The following NAV1 variants were observed in gnomAD, a reference collection of about 807,000 sequenced individuals.
The protein encoded by NAV1 is neuron navigator 1.
Under a neutral mutation model 175.2 loss-of-function variants are expected in NAV1, and 18 were observed. That is an observed-to-expected ratio of 0.10 (90% CI 0.07 to 0.15). NAV1 has a LOEUF of 0.15. NAV1 is among the 10% of genes least tolerant of loss of function. NAV1 has a pLI of 1.00. For synonymous variants in NAV1, 897 were observed against 978.7 expected (o/e 0.92, Z 1.56); for missense variants, 1,731 against 2,436.6 (o/e 0.71, Z 6.10).
At chr1:201,606,224 G>T (rs1667671542) in intron 2 of NAV1, among the ~76,000 whole-genome samples, 1 of 152,210 alleles carries the variant, frequency 6.6e-6, no homozygotes, top group Admixed American at 6.5e-5. Flanking sequence ...CATGTGGCCA[G>T]GGATCGACCA....
At chr1:201,680,934 C>T (rs1484411780) in intron 1 of NAV1, among the ~76,000 whole-genome samples, 2 of 152,150 alleles carry the variant, frequency 1.3e-5, no homozygotes, top group African/African-American at 2.4e-5. Context: ...GTACCTGACC[C>T]TCACCCTGGT....
Position 201,754,817 on chromosome 1 carries a change from AC to A in NAV1, c.1227-25602del, listed in dbSNP as rs1674353085. Among the ~76,000 whole-genome samples the A allele has an allele frequency of 5.3e-5, 8 of 152,342 alleles. No individual in the cohort carries two copies. In the South Asian group the frequency reaches 1.7e-3, roughly 32 times the overall value. ...TATTTTGTCCTGTTATATTAACTAA[AC>A]CAGTTTTTAAAAATAGGGAAATAAT... is the stretch of plus-strand genomic sequence containing the variant. On this transcript the variant is annotated intron_variant, in intron 3 of 29. Coordinates refer to ENST00000367296, the Ensembl canonical transcript of NAV1.
At chr1:201,556,506 G>A (rs956154617) in intron 1 of NAV1, among the ~76,000 whole-genome samples, 9 of 152,190 alleles carry the variant, frequency 5.9e-5, no homozygotes, top group African/African-American at 1.9e-4. Flanking sequence ...GACAGTGGAG[G>A]GACTGTAACC....
rs116039749 is a variant in NAV1, at chr1:201,807,670, C to T, written c.3649-283C>T. On this transcript the variant is annotated intron_variant, in intron 17 of 29. Coordinates refer to ENST00000367296, the Ensembl canonical transcript of NAV1. The surrounding 1 kb of genome is among the most constrained non-coding windows in gnomAD (Gnocchi z 5.4). ...CTGTTCTTTCTCTTGGTCCTAATTT[C>T]CTTTCTTTCTTTCTTTCTTTTGAGA... Among the ~76,000 whole-genome samples the T allele has an allele frequency of 6.6e-3, 998 of 152,112 alleles. 8 individuals carry two copies. The highest frequency in any genetic ancestry group is 0.022 in the African/African-American group (916 of 41,504).
intron 1 of NAV1, among the ~76,000 whole-genome samples, chr1:201,664,871 C>T (rs1012789825): frequency 6.6e-6 from 1 of 152,168 alleles, no homozygotes; most frequent in African/African-American, 2.4e-5. Flanking sequence ...TGCAGCCAGG[C>T]CTGCCATCTC....
exon 30 of NAV1, chr1:201,821,505 GACAC>G (rs57007517): frequency 0.068 from 9,824 of 144,482 alleles, 466 homozygotes; most frequent in African/African-American, 0.13. Context: ...GGTTAAAACA[GACAC>G]ACACACACAC....
chr1:201,701,902 A>G (rs1351557622), intron 1 of NAV1, among the ~76,000 whole-genome samples: 1 of 152,240 alleles, frequency 6.6e-6, no homozygotes, highest in Non-Finnish European at 1.5e-5. Flanking sequence ...AGAAATGAAA[A>G]CATGCATCCA....
chr1:201,598,518 G>A (rs1439077199), intron 2 of NAV1, among the ~76,000 whole-genome samples: 1 of 152,192 alleles, frequency 6.6e-6, no homozygotes, highest in Non-Finnish European at 1.5e-5. Flanking sequence ...GTCCTGGTGA[G>A]GAATCGGAAC....
chr1:201,654,914 C>A (rs560216668), intron 1 of NAV1, among the ~76,000 whole-genome samples: 44 of 152,308 alleles, frequency 2.9e-4, no homozygotes, highest in African/African-American at 1.1e-3. Flanking sequence ...ATTCTGTCTT[C>A]TGAGAATTTC....
At chr1:201,786,470 A>T in exon 9 of NAV1, 1 of 1,613,970 alleles carries the variant, frequency 6.2e-7, no homozygotes, top group Non-Finnish European at 8.5e-7. Flanking sequence ...GAGAGGCGAC[A>T]TTCCCATACC....
In NAV1 at chr1:201,782,078, T is replaced by C. The variant is rs561551794; in HGVS notation, c.1664-98T>C. On this transcript the variant is annotated intron_variant, in intron 5 of 29. Coordinates refer to ENST00000367296, the Ensembl canonical transcript of NAV1. The surrounding 1 kb of genome is among the most constrained non-coding windows in gnomAD (Gnocchi z 5.4). ...TAGGCCTCTAAAAGTCTACAATACATGGACAATGTTCCCTTCTCCCATGGA... is the reference window on the plus strand; with the variant it reads ...TAGGCCTCTAAAAGTCTACAATACACGGACAATGTTCCCTTCTCCCATGGA... The C allele has an allele frequency of 1.7e-3, 1,836 of 1,095,120 alleles. 19 individuals are homozygous for C. The highest frequency in any genetic ancestry group is 0.014 in the South Asian group (900 of 64,072). The allele number at this position is 1,095,120 out of a possible 1,614,324, so 67.8% of individuals were successfully genotyped here. A position where few individuals can be genotyped will look rare whatever the true frequency, so the allele number is the denominator to read the frequency against.
intron 3 of NAV1, among the ~76,000 whole-genome samples, chr1:201,761,749 G>A (rs191848054): frequency 1.6e-4 from 25 of 152,234 alleles, no homozygotes; most frequent in Non-Finnish European, 3.4e-4. Flanking sequence ...TTAAGGCATC[G>A]CCTACTTCCA....
intron 1 of NAV1, among the ~76,000 whole-genome samples, chr1:201,546,421 T>TGAC (rs1665674836): frequency 6.6e-6 from 1 of 152,190 alleles, no homozygotes; most frequent in Non-Finnish European, 1.5e-5. Context: ...AAGGGCCACA[T>TGAC]GACAGTTAAG....
chr1:201,809,836 C>A (rs933462926), intron 22 of NAV1, 110 bp from the exon 27 acceptor site: 15 of 1,085,990 alleles, frequency 1.4e-5, no homozygotes, highest in East Asian at 1.2e-4. Context: ...AAAGCATATG[C>A]TCTGCACTTT....
intron 13 of NAV1, chr1:201,791,955 T>C (rs1315343417): frequency 6.6e-6 from 1 of 152,100 alleles, no homozygotes; most frequent in Non-Finnish European, 1.5e-5. Flanking sequence ...CCCCAGGAAA[T>C]TCATGTCTGG....
chr1:201,585,603 T>A (rs569043856), intron 1 of NAV1, among the ~76,000 whole-genome samples: 47 of 151,862 alleles, frequency 3.1e-4, no homozygotes, highest in Non-Finnish European at 6.0e-4. Context: ...ATAAAAAACT[T>A]CTACAATTTA....
At chr1:201,626,025 C>A (rs1668320845) in intron 1 of NAV1, among the ~76,000 whole-genome samples, 1 of 152,212 alleles carries the variant, frequency 6.6e-6, no homozygotes, top group Admixed American at 6.5e-5. Flanking sequence ...GGCACAAAGA[C>A]CTGACTCATC....
intron 14 of NAV1, 177 bp downstream of exon 18, chr1:201,794,052 T>G: frequency 7.0e-6 from 5 of 709,626 alleles, no homozygotes; most frequent in East Asian, 2.7e-5. Context: ...CTTATCCCAA[T>G]TCCTTGCCCT....
intron 1 of NAV1, among the ~76,000 whole-genome samples, chr1:201,543,013 G>C (rs1195523240): frequency 6.6e-6 from 1 of 152,190 alleles, no homozygotes; most frequent in African/African-American, 2.4e-5. Context: ...AGCTCTAGTA[G>C]CTTTTTTGTT....
Sources: allele counts gnomAD v4.1 joint callset (sites outside exome capture counted in the v4.1 genomes callset), GRCh38; gene constraint gnomAD v4.1.1; non-coding constraint Gnocchi (gnomAD v3.1); transcripts MANE v1.5; gene names NCBI Gene and HGNC (gene_info 2026-07-23, HGNC 2026-07-21).